Variants in PTPRG observed in about 807,000 individuals in gnomAD.
PTPRG encodes the protein protein tyrosine phosphatase receptor type G.
A neutral mutation model predicts 165.3 loss-of-function variants in PTPRG; 102 were observed. The observed-to-expected ratio is 0.62, with a 90% CI of 0.53 to 0.73. The LOEUF is 0.73. Among genes scored for constraint, PTPRG ranks in the 30% least tolerant of loss-of-function variants. The pLI is 0.00. For missense variants in PTPRG, 1,866 were observed against 1,861.4 expected (o/e 1.00, Z -0.05); for synonymous variants, 675 against 669.5 (o/e 1.01, Z -0.13).
intron 8 of PTPRG, among the ~76,000 whole-genome samples, chr3:62,179,785 G>A (rs1274293240): frequency 6.6e-6 from 1 of 152,200 alleles, no homozygotes; most frequent in African/African-American, 2.4e-5. Flanking sequence ...GCAGTACCAG[G>A]TGTGGGAGGC....
intron 1 of PTPRG, among the ~76,000 whole-genome samples, chr3:61,603,669 C>T (rs964934134): frequency 1.2e-4 from 19 of 152,176 alleles, no homozygotes; most frequent in Non-Finnish European, 8.8e-5. Flanking sequence ...AAGGTGTTGG[C>T]AAGGTTGCTT....
chr3:61,833,048 A>G (rs1355196671), intron 2 of PTPRG, among the ~76,000 whole-genome samples: 2 of 140,540 alleles, frequency 1.4e-5, no homozygotes, highest in Non-Finnish European at 3.0e-5. Flanking sequence ...ATCCCTTTTT[A>G]TGTCTGAGTA....
chr3:61,809,796 T>C (rs1386010032), intron 2 of PTPRG, among the ~76,000 whole-genome samples: 3 of 152,226 alleles, frequency 2.0e-5, no homozygotes, highest in Non-Finnish European at 4.4e-5. Context: ...GCTTAGATTT[T>C]ATTCACTTGA....
intron 1 of PTPRG, among the ~76,000 whole-genome samples, chr3:61,655,630 C>T (rs1289903282): frequency 6.6e-6 from 1 of 152,086 alleles, no homozygotes; most frequent in Non-Finnish European, 1.5e-5. Context: ...CAGGGTCTTA[C>T]TTTGTCACCC....
At chr3:61,965,453 A>C (rs1330139282) in intron 2 of PTPRG, among the ~76,000 whole-genome samples, 1 of 143,282 alleles carries the variant, frequency 7.0e-6, no homozygotes, top group African/African-American at 2.7e-5. Flanking sequence ...ACGCCATAGC[A>C]CTCCAGCCTG....
chr3:61,776,955 A>G (rs1290809405), intron 2 of PTPRG, among the ~76,000 whole-genome samples: 1 of 152,120 alleles, frequency 6.6e-6, no homozygotes, highest in Non-Finnish European at 1.5e-5. Flanking sequence ...ATTGACTGGT[A>G]TGTTTTCTTT....
chr3:61,991,807 G>A (rs975031075), intron 3 of PTPRG, among the ~76,000 whole-genome samples: 2 of 152,192 alleles, frequency 1.3e-5, no homozygotes, highest in African/African-American at 4.8e-5. Context: ...ACGCTTGACA[G>A]CCTTCGGCAA....
chr3:61,652,758 A>G (rs896376893), intron 1 of PTPRG, among the ~76,000 whole-genome samples: 3 of 152,174 alleles, frequency 2.0e-5, no homozygotes, highest in African/African-American at 7.2e-5. Context: ...GTGTAGTAGT[A>G]TTCCTGGCCT....
chr3:62,231,279 T>C lies in PTPRG; in HGVS notation c.2343T>C (p.Pro781=). 1 of 1,597,988 alleles carries C rather than the reference T, an allele frequency of 6.3e-7. No individual in the cohort carries two copies. Among genetic ancestry groups the C allele is most frequent in the Non-Finnish European group, 8.5e-7 (1 of 1,171,824 alleles). The change falls in exon 14 of 30, where the codon CCT becomes CCC. Residue 781 remains proline (P), a synonymous_variant. Coordinates refer to ENST00000474889, the MANE Select transcript of PTPRG (RefSeq NM_002841.4). ...KGFPRRFREV[P]SSGERGEKGS... ...TTCCCAGACGTTTCCGTGAAGTGCC[T>C]TCTTCTGGGGAGAGAGGAGAGAAGG...
rs561075643 is a variant in PTPRG at position 61,640,766 on chromosome 3, C to G, written c.85+78394C>G. Among the ~76,000 whole-genome samples, 73 of 152,290 alleles carry G rather than the reference C, an allele frequency of 4.8e-4. 5 individuals carry two copies. In the South Asian group the frequency reaches 0.015, roughly 32 times the overall value. The stretch of plus-strand genomic sequence containing the variant: ...GGCAATGTAGTAATTTAATCAAGAT[C>G]CACTTGCTTTTGGATATTTCACGTT... On this transcript the variant is annotated intron_variant, in intron 1 of 29. Coordinates refer to ENST00000474889, the MANE Select transcript of PTPRG (RefSeq NM_002841.4).
intron 1 of PTPRG, among the ~76,000 whole-genome samples, chr3:61,729,677 A>C (rs892116379): frequency 2.0e-5 from 3 of 152,202 alleles, no homozygotes; most frequent in African/African-American, 7.2e-5. Context: ...TTTTTTAACA[A>C]TTCACCATGC....
At chr3:62,232,909 A>G (rs1204536357) in intron 14 of PTPRG, among the ~76,000 whole-genome samples, 1 of 152,194 alleles carries the variant, frequency 6.6e-6, no homozygotes, top group Non-Finnish European at 1.5e-5. Context: ...TCAGGGAGAT[A>G]TGTGTTCTAA....
chr3:61,810,869 C>T (rs1419067602), intron 2 of PTPRG, among the ~76,000 whole-genome samples: 1 of 151,792 alleles, frequency 6.6e-6, no homozygotes, highest in East Asian at 1.9e-4. Flanking sequence ...CTTTAGCGTT[C>T]CACCATCAAG....
chr3:61,819,210 TC>T (rs2035883361), intron 2 of PTPRG, among the ~76,000 whole-genome samples: 1 of 152,178 alleles, frequency 6.6e-6, no homozygotes, highest in South Asian at 2.1e-4. Context: ...AAAATGGTCT[TC>T]AACTATGAAG....
intron 1 of PTPRG, among the ~76,000 whole-genome samples, chr3:61,713,352 T>C (rs1575604936): frequency 6.6e-6 from 1 of 151,408 alleles, no homozygotes; most frequent in East Asian, 2.0e-4. Context: ...TTTGTATTTT[T>C]AGTAGAGACG....
chr3:61,857,530 G>C (rs1451343598), intron 2 of PTPRG, among the ~76,000 whole-genome samples: 1 of 152,186 alleles, frequency 6.6e-6, no homozygotes, highest in Non-Finnish European at 1.5e-5. Context: ...ACAGCGTATT[G>C]ACAGTGATGA....
intron 8 of PTPRG, among the ~76,000 whole-genome samples, chr3:62,168,748 T>A (rs895618904): frequency 6.6e-6 from 1 of 152,170 alleles, no homozygotes; most frequent in Non-Finnish European, 1.5e-5. Flanking sequence ...TGTGTTACAG[T>A]GGGCTCTTTC....
intron 1 of PTPRG, among the ~76,000 whole-genome samples, chr3:61,722,297 T>C (rs1362413586): frequency 6.6e-6 from 1 of 152,120 alleles, no homozygotes. Flanking sequence ...TCTCCCTTCA[T>C]AATCCATTCA....
intron 2 of PTPRG, among the ~76,000 whole-genome samples, chr3:61,963,686 A>G (rs984698516): frequency 6.6e-6 from 1 of 152,174 alleles, no homozygotes; most frequent in Non-Finnish European, 1.5e-5. Flanking sequence ...GTATAAGTGG[A>G]TAATTTGAAC....
Sources: gnomAD v4.1 joint callset for allele counts (sites outside exome capture counted in the v4.1 genomes callset) on GRCh38, gnomAD v4.1.1 for gene constraint, MANE v1.5 for transcripts, NCBI Gene and HGNC (gene_info 2026-07-23, HGNC 2026-07-21) for gene names.